ADCY2: variants seen among roughly 807,000 people sequenced by gnomAD.
ADCY2 encodes adenylate cyclase 2.
In ADCY2, 31 loss-of-function variants were observed where a neutral mutation model predicts 125.2. That is an observed-to-expected ratio of 0.25 (90% CI 0.19 to 0.33). The LOEUF (loss-of-function observed/expected upper bound fraction) is 0.33. Ranked by LOEUF, ADCY2 falls within the 10% of genes least tolerant of loss-of-function variation. The pLI, the probability that ADCY2 is intolerant of heterozygous loss-of-function variation, is 1.00. For missense variants in ADCY2, 904 were observed against 1,418.2 expected (o/e 0.64, Z 5.82); for synonymous variants, 512 against 548.4 (o/e 0.93, Z 0.93).
chr5:7,763,248 G>T (rs757164475), intron 16 of ADCY2, among the ~76,000 whole-genome samples: 1 of 151,576 alleles, frequency 6.6e-6, no homozygotes, highest in South Asian at 2.1e-4. Context: ...CCGCCACCAC[G>T]CCCGGCCAAT....
At chr5:7,449,975 T>C (rs1398206110) in intron 2 of ADCY2, among the ~76,000 whole-genome samples, 1 of 152,198 alleles carries the variant, frequency 6.6e-6, no homozygotes, top group Non-Finnish European at 1.5e-5. Flanking sequence ...TAATACATGC[T>C]GTGTGTCTTT....
At position 7,480,647 on chromosome 5, in the gene ADCY2, T is replaced by C. The variant is rs537672499; in HGVS notation, c.409-40091T>C. On this transcript the variant is annotated intron_variant, in intron 2 of 24. Transcript: ENST00000338316. The stretch of plus-strand genomic sequence containing the variant: ...GGGGAGGATCCGGAAAAATGACTGA[T>C]GGGTAATAGGCTTAATACCTGGGTC... Among the ~76,000 whole-genome samples the C allele has an allele frequency of 7.2e-5, 11 of 152,162 alleles. No individual in the cohort carries two copies. The South Asian group carries it at 2.3e-3, about 32-fold the overall frequency.
chr5:7,722,982 A>AAAAAAAAAAAAAAAAAG (rs1278747504), intron 12 of ADCY2, among the ~76,000 whole-genome samples: 2 of 148,668 alleles, frequency 1.3e-5, no homozygotes, highest in Non-Finnish European at 3.0e-5. Flanking sequence ...AAAAAAAAAA[A>AAAAAAAAAAAAAAAAAG]AAAAGCATGT....
chr5:7,803,918 T>A (rs867131824), intron 21 of ADCY2, among the ~76,000 whole-genome samples: 5 of 143,896 alleles, frequency 3.5e-5, no homozygotes, highest in Admixed American at 1.4e-4. Context: ...ATATATATAT[T>A]TTTATATATA....
chr5:7,703,159 T>A (rs932847451), intron 7 of ADCY2, among the ~76,000 whole-genome samples: 4 of 152,262 alleles, frequency 2.6e-5, no homozygotes, highest in Non-Finnish European at 5.9e-5. Flanking sequence ...ATTGCAAAAA[T>A]TTTCTCCCAT....
chr5:7,636,683 C>G (rs948073719), intron 4 of ADCY2, among the ~76,000 whole-genome samples: 1 of 152,128 alleles, frequency 6.6e-6, no homozygotes, highest in Non-Finnish European at 1.5e-5. Flanking sequence ...GGGGAAAAGC[C>G]AGAGAGAATG....
intron 2 of ADCY2, among the ~76,000 whole-genome samples, chr5:7,423,350 T>C (rs1043109099): frequency 1.3e-5 from 2 of 152,188 alleles, no homozygotes; most frequent in African/African-American, 4.8e-5. Flanking sequence ...GTGGTTTGGC[T>C]CTTTCCCTAC....
intron 7 of ADCY2, among the ~76,000 whole-genome samples, chr5:7,701,658 C>G (rs994993980): frequency 6.6e-6 from 1 of 152,162 alleles, no homozygotes; most frequent in Admixed American, 6.5e-5. Context: ...CCAATTACCC[C>G]TTCCCCAGCT....
chr5:7,578,589 A>T (rs779190272), intron 3 of ADCY2, among the ~76,000 whole-genome samples: 1 of 152,116 alleles, frequency 6.6e-6, no homozygotes, highest in Admixed American at 6.6e-5. Flanking sequence ...CTGTTTGTTT[A>T]TCTGATATCT....
intron 18 of ADCY2, among the ~76,000 whole-genome samples, chr5:7,778,334 C>G (rs1353557197): frequency 6.6e-6 from 1 of 152,146 alleles, no homozygotes; most frequent in East Asian, 1.9e-4. Context: ...GTTAACTCAC[C>G]TGGAGGCTAG....
intron 2 of ADCY2, among the ~76,000 whole-genome samples, chr5:7,434,844 G>A (rs972344190): frequency 2.0e-5 from 3 of 152,176 alleles, no homozygotes; most frequent in Admixed American, 6.5e-5. Flanking sequence ...CTCTTTCAGC[G>A]TCTGTGCTGT....
At chr5:7,559,622 C>A (rs1450407778) in intron 3 of ADCY2, among the ~76,000 whole-genome samples, 4 of 152,186 alleles carry the variant, frequency 2.6e-5, no homozygotes, top group African/African-American at 9.6e-5. Context: ...TGTCTGCAAA[C>A]AGGGATAGTT....
At chr5:7,424,186 G>A (rs1740307929) in intron 2 of ADCY2, among the ~76,000 whole-genome samples, 3 of 152,242 alleles carry the variant, frequency 2.0e-5, no homozygotes, top group Admixed American at 2.0e-4. Flanking sequence ...GAACAAATGA[G>A]TGTACAAATA....
intron 3 of ADCY2, among the ~76,000 whole-genome samples, chr5:7,597,193 A>G (rs772061994): frequency 2.0e-5 from 3 of 152,228 alleles, no homozygotes; most frequent in Non-Finnish European, 4.4e-5. Flanking sequence ...TTTCTGGCTT[A>G]TGCCTGAAGG....
intron 15 of ADCY2, among the ~76,000 whole-genome samples, chr5:7,750,560 A>G (rs949311641): frequency 1.3e-5 from 2 of 152,254 alleles, no homozygotes; most frequent in Non-Finnish European, 2.9e-5. Flanking sequence ...TCCTTTTATA[A>G]TCCTTCCCAT....
chr5:7,645,236 A>G (rs1220688200), intron 4 of ADCY2, among the ~76,000 whole-genome samples: 1 of 152,160 alleles, frequency 6.6e-6, no homozygotes, highest in South Asian at 2.1e-4. Flanking sequence ...TTGAATTGCA[A>G]ATGGCCTAAA....
intron 3 of ADCY2, among the ~76,000 whole-genome samples, chr5:7,561,285 G>A (rs900548717): frequency 2.0e-5 from 3 of 152,162 alleles, no homozygotes; most frequent in Middle Eastern, 3.2e-3. Context: ...ATCATTGTGC[G>A]AACATCATAG....
At chr5:7,649,586 C>T (rs549482838) in intron 4 of ADCY2, among the ~76,000 whole-genome samples, 1 of 152,278 alleles carries the variant, frequency 6.6e-6, no homozygotes, top group South Asian at 2.1e-4. Context: ...CTTGCCTGAC[C>T]CCTCTGAAGG....
chr5:7,652,243 G>A (rs1000763404), intron 4 of ADCY2, among the ~76,000 whole-genome samples: 4 of 152,154 alleles, frequency 2.6e-5, no homozygotes, highest in Admixed American at 2.0e-4. Flanking sequence ...GCTTATAGCC[G>A]TGGGCACTTC....
Sources: allele counts gnomAD v4.1 joint callset (sites outside exome capture counted in the v4.1 genomes callset), GRCh38; gene constraint gnomAD v4.1.1; transcripts MANE v1.5; gene names NCBI Gene and HGNC (gene_info 2026-07-23, HGNC 2026-07-21).